The following ARID1B variants were observed in gnomAD, a reference collection of about 807,000 sequenced individuals.
ARID1B encodes AT-rich interactive domain-containing protein 1B.
A neutral mutation model predicts 212.3 loss-of-function variants in ARID1B; 30 were observed. The ratio of observed to expected loss-of-function variants is 0.14; its 90% confidence interval spans 0.11 to 0.19. The LOEUF (loss-of-function observed/expected upper bound fraction) is 0.19, where lower values mean the gene tolerates loss of function less well. Ranked by LOEUF, ARID1B falls within the 10% of genes least tolerant of loss-of-function variation. ARID1B has a pLI of 1.00. For synonymous variants in ARID1B, 1,402 were observed against 1,301.7 expected (o/e 1.08, Z -1.66); for missense variants, 2,891 against 3,204.0 (o/e 0.90, Z 2.36).
intron 4 of ARID1B, among the ~76,000 whole-genome samples, chr6:157,010,521 C>T (rs149499637): frequency 6.6e-6 from 1 of 151,976 alleles, no homozygotes; most frequent in Non-Finnish European, 1.5e-5. Context: ...CGGAGTTTCA[C>T]CATGTTGGCC....
chr6:157,187,925 C>G (rs1165173738), intron 13 of ARID1B, among the ~76,000 whole-genome samples: 1 of 152,032 alleles, frequency 6.6e-6, no homozygotes, highest in South Asian at 2.1e-4. Flanking sequence ...GAAAGCAAGT[C>G]ATTTCTCTTC....
At chr6:156,900,582 C>G (rs1435072025) in intron 2 of ARID1B, among the ~76,000 whole-genome samples, 2 of 152,118 alleles carry the variant, frequency 1.3e-5, no homozygotes, top group African/African-American at 4.8e-5. Context: ...TTTTCTTTTC[C>G]TTTCCTGCTC....
chr6:156,927,643 T>C (rs184509289), intron 3 of ARID1B, among the ~76,000 whole-genome samples: 1 of 152,386 alleles, frequency 6.6e-6, no homozygotes, highest in Admixed American at 6.5e-5. Context: ...AAATGTGTTC[T>C]GTAGCACATT....
intron 1 of ARID1B, among the ~76,000 whole-genome samples, chr6:156,781,053 C>A (rs934804370): frequency 6.6e-6 from 1 of 152,062 alleles, no homozygotes; most frequent in African/African-American, 2.4e-5. Context: ...ACCTGATAAA[C>A]AAGATTTAAG....
chr6:157,120,538 A>G (rs1388128562), intron 6 of ARID1B, among the ~76,000 whole-genome samples: 2 of 152,250 alleles, frequency 1.3e-5, no homozygotes, highest in East Asian at 1.9e-4. Flanking sequence ...AGGCAGGCAA[A>G]TAAACACTGA....
intron 1 of ARID1B, among the ~76,000 whole-genome samples, chr6:156,806,870 T>C (rs1781197211): frequency 6.6e-6 from 1 of 152,244 alleles, no homozygotes; most frequent in Non-Finnish European, 1.5e-5. Flanking sequence ...AGTGCTGAAG[T>C]GTCCATAGAC....
chr6:156,949,698 G>T (rs1793436061), intron 4 of ARID1B, among the ~76,000 whole-genome samples: 1 of 152,164 alleles, frequency 6.6e-6, no homozygotes, highest in South Asian at 2.1e-4. Context: ...TGCCACTGAG[G>T]TTCTTCTGCA....
At chr6:157,002,135 C>G (rs903899436) in intron 4 of ARID1B, among the ~76,000 whole-genome samples, 1 of 152,130 alleles carries the variant, frequency 6.6e-6, no homozygotes, top group Non-Finnish European at 1.5e-5. Flanking sequence ...AGAAAAGTTC[C>G]TCCTGTTTCC....
At chr6:157,196,690 C>T (rs573961576) in intron 16 of ARID1B, among the ~76,000 whole-genome samples, 48 of 152,298 alleles carry the variant, frequency 3.2e-4, no homozygotes, top group Non-Finnish European at 5.3e-4. Flanking sequence ...CCACAGCACC[C>T]GCTCCCCTCC....
intron 4 of ARID1B, among the ~76,000 whole-genome samples, chr6:157,039,721 T>C (rs1781679085): frequency 1.0e-5 from 1 of 98,434 alleles, no homozygotes; most frequent in Non-Finnish European, 2.0e-5. Flanking sequence ...TTTCCTTCCT[T>C]TCTTTCTTTC....
rs528580027 is a variant in ARID1B, at chr6:156,818,182, A to G, written c.1792-11045A>G. 2.0e-5 allele frequency among the ~76,000 whole-genome samples: 3 copies of G among 146,826 alleles called. No homozygotes were observed. The East Asian group carries it at 6.0e-4, about 29-fold the overall frequency. On this transcript the variant is annotated intron_variant, in intron 1 of 19. Transcript: ENST00000636930. ...TTAACTTGTTTTTCTTTAATGAAGC[A>G]CATTACAGTAAGAGTCAATATATGC... is the stretch of plus-strand genomic sequence containing the variant.
At chr6:157,084,091 G>A (rs1441550662) in intron 4 of ARID1B, among the ~76,000 whole-genome samples, 13 of 148,486 alleles carry the variant, frequency 8.8e-5, no homozygotes, top group South Asian at 4.2e-4. Flanking sequence ...CCAAGATCGC[G>A]CCATTACACT....
At chr6:157,036,095 C>T (rs1781311779) in intron 4 of ARID1B, among the ~76,000 whole-genome samples, 2 of 152,188 alleles carry the variant, frequency 1.3e-5, no homozygotes, top group Admixed American at 6.5e-5. Flanking sequence ...CTGTTGCCTT[C>T]TTTCCTTGTT....
At chr6:156,803,936 A>G (rs935444461) in intron 1 of ARID1B, among the ~76,000 whole-genome samples, 2 of 152,202 alleles carry the variant, frequency 1.3e-5, no homozygotes, top group East Asian at 3.8e-4. Context: ...TGTAAAGCAT[A>G]TAGCTTTACA....
rs367557504 is a variant in ARID1B at position 157,209,999 on chromosome 6, G to A, written c.*2108G>A. The A allele has an allele frequency of 4.3e-6, 1 of 233,144 alleles. No homozygotes were observed. Among genetic ancestry groups the A allele is most frequent in the Non-Finnish European group, 8.5e-6 (1 of 118,008 alleles). The allele number at this position is 233,144 out of a possible 1,614,324, so 14.4% of individuals were successfully genotyped here. On this transcript the variant is annotated 3_prime_UTR_variant, in exon 20 of 20. Coordinates refer to ENST00000636930, the MANE Select transcript of ARID1B (RefSeq NM_001374828.1). ...ATCCCCAGCCCCTCGCATACATTGT[G>A]TCGGTTCACATTACTCACAGTAATA...
intron 12 of ARID1B, among the ~76,000 whole-genome samples, chr6:157,183,616 G>A (rs1792728393): frequency 6.6e-6 from 1 of 152,144 alleles, no homozygotes; most frequent in Non-Finnish European, 1.5e-5. Context: ...CGACTGTGTT[G>A]TCTCCAGCCC....
At chr6:156,875,099 A>G (rs1428661209) in intron 2 of ARID1B, among the ~76,000 whole-genome samples, 1 of 152,234 alleles carries the variant, frequency 6.6e-6, no homozygotes, top group Non-Finnish European at 1.5e-5. Context: ...ATTTGAGTAT[A>G]TAGATTAAGA....
intron 2 of ARID1B, among the ~76,000 whole-genome samples, chr6:156,895,067 A>C (rs954783760): frequency 3.9e-5 from 6 of 152,214 alleles, no homozygotes; most frequent in African/African-American, 1.4e-4. Context: ...GAAATCTTGG[A>C]TGTAAAGGTG....
intron 6 of ARID1B, among the ~76,000 whole-genome samples, chr6:157,131,625 G>T (rs1437995073): frequency 1.3e-5 from 2 of 152,202 alleles, no homozygotes; most frequent in Non-Finnish European, 2.9e-5. Context: ...AGCTCACGAG[G>T]TCTCACAGAC....
Sources: allele counts gnomAD v4.1 joint callset (sites outside exome capture counted in the v4.1 genomes callset), GRCh38; gene constraint gnomAD v4.1.1; transcripts MANE v1.5; gene names NCBI Gene and HGNC (gene_info 2026-07-23, HGNC 2026-07-21).